Variants in SERTAD4 observed in about 807,000 individuals in gnomAD.
The protein encoded by SERTAD4 is SERTA domain containing 4, also known as SERTA domain-containing protein 4.
Under a neutral mutation model 32.9 loss-of-function variants are expected in SERTAD4, and 18 were observed. The observed-to-expected ratio is 0.55, with a 90% CI of 0.38 to 0.81. The LOEUF (loss-of-function observed/expected upper bound fraction) is 0.81. Among genes scored for constraint, SERTAD4 ranks in the 30% least tolerant of loss-of-function variants. SERTAD4 has a pLI of 0.00. For synonymous variants in SERTAD4, 150 were observed against 156.4 expected, an observed-to-expected ratio of 0.96 and a Z score of 0.30; for missense variants, 383 against 426.0, an observed-to-expected ratio of 0.90 and a Z score of 0.89.
At position 210,238,154 on chromosome 1, in the gene SERTAD4, G is replaced by A. The variant is rs376626789; in HGVS notation, c.175+19G>A. The A allele has an allele frequency of 1.1e-4, 165 of 1,507,872 alleles. 9 individuals carry two copies. Among genetic ancestry groups the A allele is most frequent in the Non-Finnish European group, 5.0e-5 (56 of 1,109,578 alleles). The allele number at this position is 1,507,872 out of a possible 1,614,324, so 93.4% of individuals were successfully genotyped here. A position where few individuals can be genotyped will look rare whatever the true frequency, so the allele number is the denominator to read the frequency against. ...CTGGCAGGTATTGCCCTTGACCTGC[G>A]CCCATCCCCCCCACCCCTCGCTGCC... On this transcript the variant is annotated intron_variant, in intron 2 of 3. Coordinates refer to ENST00000367012, the MANE Select transcript of SERTAD4 (RefSeq NM_019605.5).
In SERTAD4 at chr1:210,241,784, G is replaced by A. The variant is rs779187031; in HGVS notation, c.518G>A (p.Arg173Gln). 7 of 1,614,034 alleles carry A rather than the reference G, an allele frequency of 4.3e-6. No individual in the cohort carries two copies. Among genetic ancestry groups the A allele is most frequent in the South Asian group, 2.2e-5 (2 of 91,056 alleles). ...TTTATGGCTCAAGACTGCCCTTACC[G>A]AAAACGACCACGGATGGCCAAAGAG... Reference protein sequence around the residue: ...EWFMAQDCPYRKRPRMAKEEC... With the variant: ...EWFMAQDCPYQKRPRMAKEEC... Residue 173 changes from arginine (R) to glutamine (Q), a missense_variant, in exon 4 of 4, where the codon CGA becomes CAA. Arg to Gln is a conservative substitution (Grantham distance 43). Transcript: ENST00000367012.
At position 210,242,743 on chromosome 1, in the gene SERTAD4, G is replaced by A; in HGVS notation, c.*406G>A. On this transcript the variant is annotated 3_prime_UTR_variant, in exon 4 of 4. Coordinates refer to ENST00000367012, the MANE Select transcript of SERTAD4 (RefSeq NM_019605.5). This position sits in a 1 kb window ranked among gnomAD's most constrained non-coding sequence, Gnocchi z 4.0. ...TAAGCAAATCAATATAACCAGCAAA[G>A]ATACCTGCTTCTTCTATATGATACA... is the stretch of plus-strand genomic sequence containing the variant. The A allele has an allele frequency of 5.0e-6, 5 of 996,548 alleles. No homozygotes were observed. Among genetic ancestry groups the A allele is most frequent in the Non-Finnish European group, 6.0e-6 (5 of 837,648 alleles). The allele number at this position is 996,548 out of a possible 1,614,324, so 61.7% of individuals were successfully genotyped here.
At chr1:210,240,121 T>A (rs181166222) in intron 3 of SERTAD4, among the ~76,000 whole-genome samples, 10 of 152,248 alleles carry the variant, frequency 6.6e-5, no homozygotes, top group Non-Finnish European at 1.5e-4. Context: ...TACATATAAG[T>A]TTGTTGAAAC....
At chr1:210,234,887 A>C (rs1262466600) in intron 1 of SERTAD4, among the ~76,000 whole-genome samples, 4 of 152,204 alleles carry the variant, frequency 2.6e-5, no homozygotes, top group Admixed American at 2.0e-4. Flanking sequence ...GGAAAAAAAC[A>C]AATTGTATAG....
At position 210,239,554 on chromosome 1, in the gene SERTAD4, G is replaced by A. The variant is rs1444221433; in HGVS notation, c.237G>A (p.Arg79=). The change falls in exon 3 of 4, where the codon AGG becomes AGA. Residue 79 remains arginine, a synonymous_variant. Transcript: ENST00000367012. ...ITTSKITYFK[R]KYVEEEDFHP... ...CATCCAAGATCACATACTTTAAGAG[G>A]AAGTATGTGGAAGAAGAGGATTTTC... 8 of 1,608,914 alleles carry A rather than the reference G, an allele frequency of 5.0e-6. No individual in the cohort carries two copies. Among genetic ancestry groups the A allele is most frequent in the Non-Finnish European group, 6.8e-6 (8 of 1,177,782 alleles).
At position 210,243,093 on chromosome 1, in the gene SERTAD4, CAAAAAA is replaced by C. The variant is rs57426441; in HGVS notation, c.*773_*778del. On this transcript the variant is annotated 3_prime_UTR_variant, in exon 4 of 4. Transcript: ENST00000367012. The stretch of plus-strand genomic sequence containing the variant: ...TACAGCAGGGATTTAACAAACAGGA[CAAAAAA>C]AAAAAAAAAAAAAAAACCACAGGGT... 115 of 486,506 alleles carry C rather than the reference CAAAAAA, an allele frequency of 2.4e-4. No individual in the cohort carries two copies. Among genetic ancestry groups the C allele is most frequent in the African/African-American group, 1.5e-3 (48 of 32,052 alleles). 30.1% of individuals were successfully genotyped at this position (486,506 alleles called of 1,614,324 possible).
intron 3 of SERTAD4, 56 bp from the exon 4 acceptor site, chr1:210,241,502 C>CCA: frequency 6.7e-7 from 1 of 1,482,636 alleles, no homozygotes; most frequent in Non-Finnish European, 9.0e-7. Flanking sequence ...ATTTTCTAAG[C>CCA]TTTCTCTCTT....
chr1:210,233,983 GGT>G (rs1558254428), intron 1 of SERTAD4: 9 of 311,418 alleles, frequency 2.9e-5, no homozygotes, highest in African/African-American at 1.5e-4. Context: ...AAGGAAACTT[GGT>G]TTTTTTTTTA....
At chr1:210,239,694 G>A (rs1418376028) in intron 3 of SERTAD4, 86 bp downstream of exon 3, 1 of 751,218 alleles carries the variant, frequency 1.3e-6, no homozygotes, top group Non-Finnish European at 2.1e-6. Context: ...GAATTAAATT[G>A]TTTCACCCAA....
rs75509389 is a variant in SERTAD4 at position 210,244,903 on chromosome 1, A to C, written c.*2566A>C. ...GTTTCCAGGATATTTCTAGCATTGC[A>C]AAAAAAAATTTCTTCACCAAACACT... On this transcript the variant is annotated 3_prime_UTR_variant, in exon 4 of 4. Coordinates refer to ENST00000367012, the MANE Select transcript of SERTAD4 (RefSeq NM_019605.5). 2.0e-5 allele frequency: 3 copies of C among 151,470 alleles called. No individual in the cohort carries two copies. The highest frequency in any genetic ancestry group is 2.0e-4 in the Admixed American group (3 of 15,218). The allele number at this position is 151,470 out of a possible 1,614,324, so 9.4% of individuals were successfully genotyped here. A position where few individuals can be genotyped will look rare whatever the true frequency, so the allele number is the denominator to read the frequency against.
chr1:210,239,498 C>T lies in SERTAD4; in HGVS notation c.181C>T (p.His61Tyr), dbSNP rs61740848. Residue 61 changes from histidine (H) to tyrosine (Y), a missense_variant, in exon 3 of 4, where the codon CAT becomes TAT. Around this residue, in one of 3 missense-constraint regions of SERTAD4, gnomAD observed 96 missense variants for 76.6 expected, o/e 1.25. Coordinates refer to ENST00000367012, the MANE Select transcript of SERTAD4 (RefSeq NM_019605.5). ...RGAGPPLAGSHYRGISNPITT... is the reference protein window; with the variant it reads ...RGAGPPLAGSYYRGISNPITT... ...TATCTGATTTATTACCACAGGATCA[C>T]ATTACAGGGGAATTTCAAATCCTAT... 6.6e-3 allele frequency: 10,357 copies of T among 1,569,656 alleles called. 46 individuals carry two copies. The highest frequency in any genetic ancestry group is 7.9e-3 in the Non-Finnish European group (9,076 of 1,141,938).
intron 1 of SERTAD4, 46 bp from the exon 2 acceptor site, chr1:210,237,898 T>A: frequency 1.3e-5 from 19 of 1,503,898 alleles, no homozygotes; most frequent in Non-Finnish European, 1.7e-5. Context: ...TTGCTCTTGA[T>A]TAGGGCTGTT....
At position 210,243,344 on chromosome 1, in the gene SERTAD4, T is replaced by G. The variant is rs1353799355; in HGVS notation, c.*1007T>G. 1 of 166,422 alleles carries G rather than the reference T, an allele frequency of 6.0e-6. No homozygotes were observed. The allele number at this position is 166,422 out of a possible 1,614,324, so 10.3% of individuals were successfully genotyped here. The stretch of plus-strand genomic sequence containing the variant: ...GCTGGGGTTGGGGTTTTCTGGGTTT[T>G]GGGTTGTTTTGTTTTGTTTTCTTGT... On this transcript the variant is annotated 3_prime_UTR_variant, in exon 4 of 4. Transcript: ENST00000367012.
intron 1 of SERTAD4, among the ~76,000 whole-genome samples, chr1:210,233,451 A>T (rs947768251): frequency 6.6e-6 from 1 of 152,082 alleles, no homozygotes; most frequent in Non-Finnish European, 1.5e-5. Context: ...CCAGGTCCGG[A>T]TGCCGCGGCG....
chr1:210,242,624 A>T lies in SERTAD4; in HGVS notation c.*287A>T, dbSNP rs1220970871. 7 of 1,126,496 alleles carry T rather than the reference A, an allele frequency of 6.2e-6. No homozygotes were observed. Among genetic ancestry groups the T allele is most frequent in the Non-Finnish European group, 6.5e-6 (6 of 922,326 alleles). 69.8% of individuals were successfully genotyped at this position (1,126,496 alleles called of 1,614,324 possible). ...GATCAGTAGATGAGATTGGGGGACA[A>T]TGTGCCCTTGCAATATTTCCATTGC... is the stretch of plus-strand genomic sequence containing the variant. On this transcript the variant is annotated 3_prime_UTR_variant, in exon 4 of 4. Coordinates refer to ENST00000367012, the MANE Select transcript of SERTAD4 (RefSeq NM_019605.5). The surrounding 1 kb of genome is among the most constrained non-coding windows in gnomAD (Gnocchi z 4.0).
chr1:210,240,231 G>T (rs1378457282), intron 3 of SERTAD4, among the ~76,000 whole-genome samples: 1 of 151,856 alleles, frequency 6.6e-6, no homozygotes, highest in Non-Finnish European at 1.5e-5. Flanking sequence ...ATGAATCTGG[G>T]CATCTAAGCT....
chr1:210,241,288 CT>C (rs1054108085), intron 3 of SERTAD4, among the ~76,000 whole-genome samples: 2 of 152,110 alleles, frequency 1.3e-5, no homozygotes, highest in African/African-American at 4.8e-5. Flanking sequence ...CTCCTGGGGC[CT>C]GCACTGTGGC....
chr1:210,242,848 C>G lies in SERTAD4; in HGVS notation c.*511C>G, dbSNP rs1447913282. On this transcript the variant is annotated 3_prime_UTR_variant, in exon 4 of 4. Transcript: ENST00000367012. The surrounding 1 kb of genome is among the most constrained non-coding windows in gnomAD (Gnocchi z 4.0). ...GGTGCTGTTAAGTATTTGTACCTAA[C>G]AGTCTTGTGTGACAGATGAAAATAG... 1.0e-6 allele frequency: 1 copy of G among 986,400 alleles called. No individual in the cohort carries two copies. The highest frequency in any genetic ancestry group is 1.2e-6 in the Non-Finnish European group (1 of 830,550). The allele number at this position is 986,400 out of a possible 1,614,324, so 61.1% of individuals were successfully genotyped here.
chr1:210,245,915 C>T lies in SERTAD4; in HGVS notation c.*3578C>T. 6 of 985,304 alleles carry T rather than the reference C, an allele frequency of 6.1e-6. No individual in the cohort carries two copies. Among genetic ancestry groups the T allele is most frequent in the Non-Finnish European group, 6.0e-6 (5 of 829,840 alleles). 61.0% of individuals were successfully genotyped at this position (985,304 alleles called of 1,614,324 possible). ...TGTGATGCAGCTAGGTTTTTATATCCTTCTAACAAATGGTGAGCAGGAGAC... is the reference window on the plus strand; with the variant it reads ...TGTGATGCAGCTAGGTTTTTATATCTTTCTAACAAATGGTGAGCAGGAGAC... On this transcript the variant is annotated 3_prime_UTR_variant, in exon 4 of 4. Coordinates refer to ENST00000367012, the MANE Select transcript of SERTAD4 (RefSeq NM_019605.5).
Sources: gnomAD v4.1 joint callset for allele counts (sites outside exome capture counted in the v4.1 genomes callset) on GRCh38, gnomAD v4.1.1 for gene constraint, gnomAD v4.1.1 regional missense constraint, Gnocchi (gnomAD v3.1) non-coding constraint, MANE v1.5 for transcripts, NCBI Gene and HGNC (gene_info 2026-07-23, HGNC 2026-07-21) for gene names.